The following MDFIC2 variants were observed in gnomAD, a reference collection of about 807,000 sequenced individuals.
MDFIC2 encodes myoD family inhibitor domain-containing protein 2.
At chr3:70,308,366 A>G (rs1161125927) in intron 2 of MDFIC2, among the ~76,000 whole-genome samples, 1 of 152,116 alleles carries the variant, frequency 6.6e-6, no homozygotes, top group Non-Finnish European at 1.5e-5. Flanking sequence ...AATGCTGCAT[A>G]TTTTTAAATC....
At chr3:70,240,383 C>T (rs553894974) in intron 2 of MDFIC2, among the ~76,000 whole-genome samples, 45 of 151,800 alleles carry the variant, frequency 3.0e-4, no homozygotes, top group African/African-American at 1.0e-3. Context: ...TAGAAGTGAG[C>T]TATGTGGTTT....
rs75605242 is a variant in MDFIC2 at position 70,194,688 on chromosome 3, C to A, written c.*2238G>T. ...TGGTGATTTTTATGTCTCTAATTGA[C>A]AAGCATTCAATTCACATTTGAAATG... On this transcript the variant is annotated 3_prime_UTR_variant, in exon 4 of 4. Transcript: ENST00000567252. 0.011 allele frequency among the ~76,000 whole-genome samples: 1,707 copies of A among 152,252 alleles called. 22 individuals are homozygous for A. Among genetic ancestry groups the A allele is most frequent in the Non-Finnish European group, 0.018 (1,197 of 68,016 alleles).
chr3:70,236,840 C>T (rs921832650), intron 2 of MDFIC2, among the ~76,000 whole-genome samples: 3 of 152,118 alleles, frequency 2.0e-5, no homozygotes, highest in Non-Finnish European at 2.9e-5. Context: ...AAGTGATTCT[C>T]CCTGCCTCAG....
At chr3:70,237,192 T>C (rs1701618344) in intron 2 of MDFIC2, among the ~76,000 whole-genome samples, 1 of 152,236 alleles carries the variant, frequency 6.6e-6, no homozygotes, top group Non-Finnish European at 1.5e-5. Context: ...AATGGGAAGC[T>C]ATATTTTTCC....
At chr3:70,272,433 A>G (rs1370447204) in intron 2 of MDFIC2, 2 of 152,216 alleles carry the variant, frequency 1.3e-5, no homozygotes, top group African/African-American at 4.8e-5. Context: ...CGTGTTGTTG[A>G]GTTCATTCAT....
At position 70,211,472 on chromosome 3, in the gene MDFIC2, C is replaced by T. The variant is rs574574290; in HGVS notation, c.89-4682G>A. On this transcript the variant is annotated intron_variant, in intron 2 of 3. Transcript: ENST00000567252. The stretch of plus-strand genomic sequence containing the variant: ...TTCCCTTCCCTTCCCTTTGCCCTTC[C>T]CTTCCCTTCCTTTCCCTTCCCTTCC... 1.2e-3 allele frequency among the ~76,000 whole-genome samples: 164 copies of T among 136,662 alleles called. 3 individuals carry two copies. The highest frequency in any genetic ancestry group is 4.4e-3 in the African/African-American group (155 of 34,894). 89.7% of individuals were successfully genotyped at this position (136,662 alleles called of 152,430 possible).
chr3:70,210,494 T>C lies in MDFIC2; in HGVS notation c.89-3704A>G, dbSNP rs79014289. ...TGTTACTGACATCTTCCATCTTTTA[T>C]AGATGATGCTAACAATAATTTCATC... On this transcript the variant is annotated intron_variant, in intron 2 of 3. Transcript: ENST00000567252. Among the ~76,000 whole-genome samples, 970 of 152,232 alleles carry C rather than the reference T, an allele frequency of 6.4e-3. 5 individuals carry two copies. The highest frequency in any genetic ancestry group is 9.8e-3 in the African/African-American group (408 of 41,560).
At chr3:70,281,136 GA>G (rs972381443) in intron 2 of MDFIC2, among the ~76,000 whole-genome samples, 61 of 152,256 alleles carry the variant, frequency 4.0e-4, no homozygotes, top group African/African-American at 1.4e-3. Context: ...GGATGTTTCA[GA>G]GGGTAAAGAG....
At chr3:70,250,332 AT>A (rs778761987) in intron 2 of MDFIC2, among the ~76,000 whole-genome samples, 1 of 152,032 alleles carries the variant, frequency 6.6e-6, no homozygotes, top group South Asian at 2.1e-4. Context: ...TGCCAGCGAC[AT>A]TTTTTAGGTA....
chr3:70,280,129 G>A (rs1377543891), intron 2 of MDFIC2, among the ~76,000 whole-genome samples: 1 of 151,976 alleles, frequency 6.6e-6, no homozygotes, highest in Non-Finnish European at 1.5e-5. Flanking sequence ...CAGCTTCTGG[G>A]GGCTGCCTGC....
chr3:70,283,305 C>T (rs1375818437), intron 2 of MDFIC2, among the ~76,000 whole-genome samples: 1 of 151,964 alleles, frequency 6.6e-6, no homozygotes, highest in African/African-American at 2.4e-5. Flanking sequence ...GTTTTCAATG[C>T]ACTGTGCCTG....
At chr3:70,261,351 CA>C (rs1295137636) in intron 2 of MDFIC2, among the ~76,000 whole-genome samples, 1 of 152,060 alleles carries the variant, frequency 6.6e-6, no homozygotes, top group Non-Finnish European at 1.5e-5. Flanking sequence ...AACTATGCTT[CA>C]AAAAAAGTTG....
intron 2 of MDFIC2, among the ~76,000 whole-genome samples, chr3:70,214,884 GA>G (rs1429661021): frequency 2.0e-5 from 3 of 151,750 alleles, no homozygotes; most frequent in African/African-American, 7.3e-5. Context: ...TGTTATCTGA[GA>G]AAAAAATAGT....
Position 70,215,532 on chromosome 3 carries a change from G to A in MDFIC2, c.89-8742C>T, listed in dbSNP as rs559795034. The stretch of plus-strand genomic sequence containing the variant: ...GCTTTTTCCAAACTTAGCCCTCAAA[G>A]CCCACTATAAGAAGCTTCCTACAAC... On this transcript the variant is annotated intron_variant, in intron 2 of 3. Transcript: ENST00000567252. 8.6e-5 allele frequency among the ~76,000 whole-genome samples: 13 copies of A among 152,032 alleles called. 1 individual carries two copies. The South Asian group carries it at 2.7e-3, about 32-fold the overall frequency.
chr3:70,258,931 CTT>C (rs1286061036), intron 2 of MDFIC2, among the ~76,000 whole-genome samples: 2 of 151,764 alleles, frequency 1.3e-5, no homozygotes, highest in African/African-American at 4.8e-5. Flanking sequence ...CAGTGAATCT[CTT>C]ATTTTTATCA....
At chr3:70,233,907 G>A (rs988862011) in intron 2 of MDFIC2, among the ~76,000 whole-genome samples, 2 of 152,102 alleles carry the variant, frequency 1.3e-5, no homozygotes, top group Non-Finnish European at 2.9e-5. Flanking sequence ...TATTTGTATT[G>A]TTTTCAGTTG....
intron 2 of MDFIC2, among the ~76,000 whole-genome samples, chr3:70,273,552 G>A (rs1701994604): frequency 6.6e-6 from 1 of 152,112 alleles, no homozygotes; most frequent in South Asian, 2.1e-4. Context: ...CAAGCCTAGT[G>A]AAACACTTGA....
chr3:70,305,820 T>G (rs1291501721), intron 2 of MDFIC2, among the ~76,000 whole-genome samples: 1 of 152,220 alleles, frequency 6.6e-6, no homozygotes, highest in Non-Finnish European at 1.5e-5. Flanking sequence ...TTCGTCTTAT[T>G]TGAACACAAA....
intron 2 of MDFIC2, among the ~76,000 whole-genome samples, chr3:70,306,106 T>TATTC (rs1296343347): frequency 6.6e-6 from 1 of 152,104 alleles, no homozygotes; most frequent in African/African-American, 2.4e-5. Context: ...GGAGTTTATT[T>TATTC]ATTTATTTAT....
Sources: allele counts gnomAD v4.1 joint callset (sites outside exome capture counted in the v4.1 genomes callset), GRCh38; gene constraint gnomAD v4.1.1; transcripts MANE v1.5; gene names NCBI Gene and HGNC (gene_info 2026-07-23, HGNC 2026-07-21).